The following PPFIA1 variants were observed in gnomAD, a reference collection of about 807,000 sequenced individuals.
PPFIA1 encodes the protein PPFI scaffold protein A1, also known as liprin-alpha-1.
In PPFIA1, 25 loss-of-function variants were observed where a neutral mutation model predicts 149.9. The observed-to-expected ratio is 0.17, with a 90% confidence interval of 0.12 to 0.23. The LOEUF (loss-of-function observed/expected upper bound fraction) is 0.23, where lower values mean the gene tolerates loss of function less well. PPFIA1 is among the 10% of genes least tolerant of loss of function. The pLI, the probability that PPFIA1 is intolerant of heterozygous loss-of-function variation, is 1.00. For missense variants in PPFIA1, 1,362 were observed against 1,506.5 expected (o/e 0.90, Z 1.59); for synonymous variants, 549 against 552.8 (o/e 0.99, Z 0.10).
chr11:70,293,182 C>T (rs1487931515), intron 2 of PPFIA1, among the ~76,000 whole-genome samples: 1 of 152,244 alleles, frequency 6.6e-6, no homozygotes, highest in African/African-American at 2.4e-5. Context: ...GGTTACCTAC[C>T]TGTTCTTCAG....
At chr11:70,293,378 A>G (rs1188265171) in intron 2 of PPFIA1, among the ~76,000 whole-genome samples, 1 of 152,250 alleles carries the variant, frequency 6.6e-6, no homozygotes, top group Admixed American at 6.5e-5. Flanking sequence ...GTTTCCCATC[A>G]ATCAACTCTT....
chr11:70,315,678 GTTTTTTTT>G (rs71049904), intron 2 of PPFIA1, among the ~76,000 whole-genome samples: 122 of 73,030 alleles, frequency 1.7e-3, no homozygotes, highest in African/African-American at 5.0e-3. Context: ...CTTTTTTTCT[GTTTTTTTT>G]TTTTTTTTTT....
intron 11 of PPFIA1, among the ~76,000 whole-genome samples, chr11:70,336,781 G>C (rs1007045177): frequency 6.6e-6 from 1 of 152,220 alleles, no homozygotes; most frequent in Non-Finnish European, 1.5e-5. Context: ...GATAAAGCCT[G>C]TCCTGACTGT....
intron 25 of PPFIA1, among the ~76,000 whole-genome samples, chr11:70,377,703 G>A (rs2057543451): frequency 6.6e-6 from 1 of 152,140 alleles, no homozygotes; most frequent in African/African-American, 2.4e-5. Flanking sequence ...CTATTTTTAA[G>A]ATAAATAAAA....
chr11:70,276,147 C>T (rs1482248746), intron 2 of PPFIA1, among the ~76,000 whole-genome samples: 1 of 152,114 alleles, frequency 6.6e-6, no homozygotes, highest in Non-Finnish European at 1.5e-5. Flanking sequence ...TGCTCCATTA[C>T]CCAGCCCGGA....
intron 15 of PPFIA1, chr11:70,346,099 A>G (rs1374124249): frequency 6.0e-6 from 2 of 333,980 alleles, no homozygotes; most frequent in Non-Finnish European, 1.2e-5. Flanking sequence ...AAACGGGCCA[A>G]CTGTAGAATG....
At chr11:70,323,261 G>A (rs1242837369) in intron 2 of PPFIA1, among the ~76,000 whole-genome samples, 1 of 152,034 alleles carries the variant, frequency 6.6e-6, no homozygotes, top group African/African-American at 2.4e-5. Flanking sequence ...CACCAAACTC[G>A]TTTCTCCCTG....
chr11:70,303,482 A>G (rs754142353), intron 2 of PPFIA1, among the ~76,000 whole-genome samples: 2 of 152,220 alleles, frequency 1.3e-5, no homozygotes, highest in African/African-American at 4.8e-5. Context: ...AAGCTTGTGC[A>G]TACCCTAAGG....
chr11:70,302,750 C>T (rs1014093896), intron 2 of PPFIA1, among the ~76,000 whole-genome samples: 2 of 151,228 alleles, frequency 1.3e-5, no homozygotes, highest in African/African-American at 4.9e-5. Flanking sequence ...TAAATGTAGC[C>T]GTAGATACTC....
At chr11:70,365,936 C>T (rs1311987953) in intron 21 of PPFIA1, 2 of 456,572 alleles carry the variant, frequency 4.4e-6, no homozygotes, top group Non-Finnish European at 8.8e-6. Context: ...ACCACGTAAC[C>T]CCAGGAAGAT....
intron 2 of PPFIA1, among the ~76,000 whole-genome samples, chr11:70,294,468 T>C (rs1378941096): frequency 6.6e-6 from 1 of 151,936 alleles, no homozygotes; most frequent in African/African-American, 2.4e-5. Context: ...GAATGGGGGA[T>C]GTAAATCCTA....
chr11:70,321,299 T>G (rs1341639092), intron 2 of PPFIA1: 1 of 152,274 alleles, frequency 6.6e-6, no homozygotes, highest in Non-Finnish European at 1.5e-5. Flanking sequence ...TTCTGTTGTT[T>G]AAAAGGTAAT....
chr11:70,381,161 C>T (rs1675225231), intron 26 of PPFIA1: 1 of 152,058 alleles, frequency 6.6e-6, no homozygotes, highest in Non-Finnish European at 1.5e-5. Context: ...AGCAGGTCTC[C>T]CAGGTTCTTA....
At chr11:70,310,926 C>G (rs1192105391) in intron 2 of PPFIA1, among the ~76,000 whole-genome samples, 3 of 152,082 alleles carry the variant, frequency 2.0e-5, no homozygotes, top group Non-Finnish European at 2.9e-5. Context: ...CACACTGGTT[C>G]TTAGGAGCGC....
chr11:70,331,766 C>T lies in PPFIA1; in HGVS notation c.1078-194C>T, dbSNP rs549055362. Among the ~76,000 whole-genome samples, 11 of 150,446 alleles carry T rather than the reference C, an allele frequency of 7.3e-5. No homozygotes were observed. In the East Asian group the frequency reaches 2.1e-3, roughly 29 times the overall value. On this transcript the variant is annotated intron_variant, in intron 8 of 27. Coordinates refer to ENST00000253925, the MANE Select transcript of PPFIA1 (RefSeq NM_003626.5). ...CTGCACTCCAGCCTGGGTGACAAAG[C>T]GAGACTATGTCTCAAAAACAAAAAC... is the stretch of plus-strand genomic sequence containing the variant.
At chr11:70,280,505 G>A (rs1172991902) in intron 2 of PPFIA1, among the ~76,000 whole-genome samples, 1 of 152,106 alleles carries the variant, frequency 6.6e-6, no homozygotes, top group Non-Finnish European at 1.5e-5. Flanking sequence ...GGAGACGGAG[G>A]TTGCAGTGAG....
chr11:70,287,748 G>A (rs1424324949), intron 2 of PPFIA1, among the ~76,000 whole-genome samples: 1 of 151,816 alleles, frequency 6.6e-6, no homozygotes, highest in African/African-American at 2.4e-5. Context: ...AGCTCAGGCA[G>A]TCCTCCCACT....
chr11:70,334,715 A>G (rs1278951926), intron 10 of PPFIA1: 1 of 152,264 alleles, frequency 6.6e-6, no homozygotes, highest in Non-Finnish European at 1.5e-5. Context: ...AATTGGGCGC[A>G]CGGGGTTCGA....
chr11:70,357,728 C>G (rs906745498), intron 19 of PPFIA1, among the ~76,000 whole-genome samples: 13 of 151,894 alleles, frequency 8.6e-5, no homozygotes, highest in South Asian at 8.3e-4. Context: ...CTGGGACTTA[C>G]AGGCGCCCGC....
Sources: allele counts gnomAD v4.1 joint callset (sites outside exome capture counted in the v4.1 genomes callset), GRCh38; gene constraint gnomAD v4.1.1; transcripts MANE v1.5; gene names NCBI Gene and HGNC (gene_info 2026-07-23, HGNC 2026-07-21).